The following ABLIM2 variants were observed in gnomAD, a reference collection of about 807,000 sequenced individuals.
ABLIM2 encodes actin binding LIM protein family member 2.
A neutral mutation model predicts 97.7 loss-of-function variants in ABLIM2; 53 were observed. The observed-to-expected ratio is 0.54, with a 90% CI of 0.44 to 0.68. ABLIM2 has a LOEUF of 0.68. ABLIM2 is among the 30% of genes least tolerant of loss of function. ABLIM2 has a pLI of 0.00. For missense variants in ABLIM2, 835 were observed against 867.2 expected, an observed-to-expected ratio of 0.96 and a Z score of 0.47; for synonymous variants, 361 against 345.8, an observed-to-expected ratio of 1.04 and a Z score of -0.49.
intron 5 of ABLIM2, 137 bp from the exon 6 acceptor site, chr4:8,077,858 C>T: frequency 1.4e-6 from 1 of 694,502 alleles, no homozygotes; most frequent in Non-Finnish European, 2.5e-6. Flanking sequence ...ACAATGCTTC[C>T]AACAGGCAGT....
intron 1 of ABLIM2, among the ~76,000 whole-genome samples, chr4:8,152,655 C>G (rs892115934): frequency 1.3e-5 from 2 of 152,244 alleles, no homozygotes; most frequent in African/African-American, 4.8e-5. Flanking sequence ...TTCCCCGGGA[C>G]TGGGACAGCC....
At chr4:8,080,875 C>T (rs1819386262) in intron 4 of ABLIM2, 73 bp from the exon 5 acceptor site, 1 of 1,525,176 alleles carries the variant, frequency 6.6e-7, no homozygotes, top group South Asian at 1.3e-5. Flanking sequence ...CTGCTCTCCA[C>T]ACTCCGTGAA....
At position 8,021,632 on chromosome 4, in the gene ABLIM2, AC is replaced by A. The variant is rs1773802806; in HGVS notation, c.1268-1330del. Among the ~76,000 whole-genome samples the A allele has an allele frequency of 6.6e-6, 1 of 152,134 alleles. No homozygotes were observed. The highest frequency in any genetic ancestry group is 1.5e-5 in the Non-Finnish European group (1 of 68,022). On this transcript the variant is annotated intron_variant, in intron 12 of 20. Transcript: ENST00000447017. The surrounding 1 kb of genome is among the most constrained non-coding windows in gnomAD (Gnocchi z 5.5). ...GGGCCTGAAGGTGGACTGGCCAGGG[AC>A]CCCACAGTGGACTCGTGAGGAGGGC...
At chr4:8,102,315 C>T (rs1335001387) in intron 2 of ABLIM2, among the ~76,000 whole-genome samples, 1 of 152,216 alleles carries the variant, frequency 6.6e-6, no homozygotes, top group Admixed American at 6.5e-5. Context: ...CAAAGGTCAC[C>T]TCCTCCGTGA....
rs1768149662 is a variant in ABLIM2, at chr4:8,015,300, C to T, written c.1423+4318G>A. On this transcript the variant is annotated intron_variant, in intron 14 of 20. Coordinates refer to ENST00000447017, the MANE Select transcript of ABLIM2 (RefSeq NM_001130083.2). This position sits in a 1 kb window ranked among gnomAD's most constrained non-coding sequence, Gnocchi z 4.6. The stretch of plus-strand genomic sequence containing the variant: ...AGGTTAGCGTGTCTTTTGTATCACA[C>T]AGACAGTTCCTTCAGAGCCCCAAAA... 6.6e-6 allele frequency among the ~76,000 whole-genome samples: 1 copy of T among 152,108 alleles called. No homozygotes were observed. The highest frequency in any genetic ancestry group is 6.6e-5 in the Admixed American group (1 of 15,262).
intron 1 of ABLIM2, among the ~76,000 whole-genome samples, chr4:8,126,570 G>C (rs1370705198): frequency 2.6e-5 from 4 of 152,058 alleles, no homozygotes; most frequent in African/African-American, 9.7e-5. Context: ...ATTGCTGGTT[G>C]TTCGTATCTA....
chr4:8,059,769 G>A (rs748761270), intron 7 of ABLIM2, among the ~76,000 whole-genome samples: 2 of 152,070 alleles, frequency 1.3e-5, no homozygotes, highest in Non-Finnish European at 2.9e-5. Context: ...AGCCGGGTAT[G>A]GTGGTGCATG....
At chr4:8,097,072 G>A (rs1239138847) in intron 3 of ABLIM2, 27 bp downstream of exon 3, 2 of 1,583,414 alleles carry the variant, frequency 1.3e-6, no homozygotes, top group South Asian at 1.1e-5. Context: ...GGCAGGGGAA[G>A]CAGAGGCCAG....
chr4:7,967,554 G>A (rs1351849223), intron 20 of ABLIM2, among the ~76,000 whole-genome samples: 1 of 152,222 alleles, frequency 6.6e-6, no homozygotes. Flanking sequence ...CCAGGAGGGT[G>A]GGGCGCGGAC....
chr4:7,973,078 T>TGTGTGA (rs1269028145), intron 20 of ABLIM2, among the ~76,000 whole-genome samples: 1,516 of 145,286 alleles, frequency 0.01, 29 homozygotes, highest in African/African-American at 0.037. Flanking sequence ...CCCCTTGCTG[T>TGTGTGA]GTGTGTGTGT....
At chr4:8,077,792 C>A in intron 5 of ABLIM2, 71 bp from the exon 6 acceptor site, 2 of 1,338,508 alleles carry the variant, frequency 1.5e-6, no homozygotes, top group Non-Finnish European at 1.0e-6. Flanking sequence ...CAACCCTCAC[C>A]AACAAGAGAG....
intron 11 of ABLIM2, among the ~76,000 whole-genome samples, chr4:8,028,745 ACTCATTCACTCT>A (rs1779046675): frequency 6.6e-6 from 1 of 152,186 alleles, no homozygotes; most frequent in African/African-American, 2.4e-5. Flanking sequence ...TCACTCATTC[ACTCATTCACTCT>A]CTCATTCACT....
chr4:8,015,216 C>T lies in ABLIM2; in HGVS notation c.1423+4402G>A, dbSNP rs947266415. 6.6e-6 allele frequency among the ~76,000 whole-genome samples: 1 copy of T among 152,092 alleles called. No homozygotes were observed. Among genetic ancestry groups the T allele is most frequent in the Non-Finnish European group, 1.5e-5 (1 of 68,018 alleles). On this transcript the variant is annotated intron_variant, in intron 14 of 20. Transcript: ENST00000447017. The surrounding 1 kb of genome is among the most constrained non-coding windows in gnomAD (Gnocchi z 4.6). ...GATTACAGGTGTGAGCCACCGTGCCCGGCTTGTCTTCCACCTTTCTAGGAC... is the reference window on the plus strand; with the variant it reads ...GATTACAGGTGTGAGCCACCGTGCCTGGCTTGTCTTCCACCTTTCTAGGAC...
At chr4:8,137,309 C>T (rs1289575034) in intron 1 of ABLIM2, among the ~76,000 whole-genome samples, 1 of 152,206 alleles carries the variant, frequency 6.6e-6, no homozygotes, top group Non-Finnish European at 1.5e-5. Context: ...CTGGGAGTCC[C>T]TGGTCAAGGA....
chr4:7,971,720 C>T (rs1002730535), intron 20 of ABLIM2, among the ~76,000 whole-genome samples: 1 of 152,070 alleles, frequency 6.6e-6, no homozygotes, highest in African/African-American at 2.4e-5. Context: ...GCCTACCCCC[C>T]TACCAACCTC....
At position 8,072,545 on chromosome 4, in the gene ABLIM2, A is replaced by G. The variant is rs887264669; in HGVS notation, c.675+5083T>C. 4.6e-5 allele frequency among the ~76,000 whole-genome samples: 7 copies of G among 152,224 alleles called. No individual in the cohort carries two copies. Among genetic ancestry groups the G allele is most frequent in the African/African-American group, 1.4e-4 (6 of 41,466 alleles). On this transcript the variant is annotated intron_variant, in intron 6 of 20. Coordinates refer to ENST00000447017, the MANE Select transcript of ABLIM2 (RefSeq NM_001130083.2). This position sits in a 1 kb window ranked among gnomAD's most constrained non-coding sequence, Gnocchi z 5.8. ...CCCAAGATACACCCCACTTTAGGCC[A>G]CCAGATGTTCCAACGTGGCTATGCT...
Position 8,127,422 on chromosome 4 carries a change from C to G in ABLIM2, c.11-20785G>C. ...CAGGGCACAACTTGACTGGACCCGTCCTTTCCCACCAGACCCCTGAAGCTG... is the reference window on the plus strand; with the variant it reads ...CAGGGCACAACTTGACTGGACCCGTGCTTTCCCACCAGACCCCTGAAGCTG... On this transcript the variant is annotated intron_variant, in intron 1 of 20. Coordinates refer to ENST00000447017, the MANE Select transcript of ABLIM2 (RefSeq NM_001130083.2). The surrounding 1 kb of genome is among the most constrained non-coding windows in gnomAD (Gnocchi z 7.3). 8.4e-7 allele frequency: 1 copy of G among 1,185,016 alleles called. No homozygotes were observed. The highest frequency in any genetic ancestry group is 1.1e-6 in the Non-Finnish European group (1 of 908,252). 73.4% of individuals were successfully genotyped at this position (1,185,016 alleles called of 1,614,324 possible).
At chr4:8,090,540 C>T (rs1338518949) in intron 3 of ABLIM2, among the ~76,000 whole-genome samples, 2 of 152,086 alleles carry the variant, frequency 1.3e-5, no homozygotes, top group Admixed American at 1.3e-4. Flanking sequence ...CATATAACTG[C>T]CACCACCACA....
intron 1 of ABLIM2, among the ~76,000 whole-genome samples, chr4:8,108,465 C>T (rs1047705918): frequency 6.6e-6 from 1 of 152,236 alleles, no homozygotes; most frequent in Non-Finnish European, 1.5e-5. Context: ...GCCACGGTAC[C>T]CAGCCGGGAA....
Sources: allele counts gnomAD v4.1 joint callset (sites outside exome capture counted in the v4.1 genomes callset), GRCh38; gene constraint gnomAD v4.1.1; non-coding constraint Gnocchi (gnomAD v3.1); transcripts MANE v1.5; gene names NCBI Gene and HGNC (gene_info 2026-07-23, HGNC 2026-07-21).